The following PFKFB1 variants were observed in gnomAD, a reference collection of about 807,000 sequenced individuals.
The protein encoded by PFKFB1 is 6-phosphofructo-2-kinase/fructose-2,6-bisphosphatase 1.
A neutral mutation model predicts 46.4 loss-of-function variants in PFKFB1; 34 were observed. That is an observed-to-expected ratio of 0.73 (90% CI 0.56 to 0.98). The LOEUF is 0.98. PFKFB1 is among the 50% of genes least tolerant of loss of function. The pLI is 0.00. For missense variants in PFKFB1, 393 were observed against 376.3 expected (o/e 1.04, Z -0.37); for synonymous variants, 119 against 133.8 (o/e 0.89, Z 0.76).
At chrX:54,935,515 T>C (rs1467883653) in intron 11 of PFKFB1, among the ~76,000 whole-genome samples, 2 of 112,635 alleles carry the variant, frequency 1.8e-5, no homozygotes, top group East Asian at 5.6e-4. Flanking sequence ...CATTCACTTG[T>C]TTCCAGTTAT....
At chrX:54,969,637 C>T (rs2077603757) in intron 1 of PFKFB1, among the ~76,000 whole-genome samples, 1 of 111,992 alleles carries the variant, frequency 8.9e-6, no homozygotes, top group Non-Finnish European at 1.9e-5. Flanking sequence ...AAGGGAGCTT[C>T]CTTAACCAGA....
chrX:54,937,271 G>C (rs988691994), intron 11 of PFKFB1, among the ~76,000 whole-genome samples: 3 of 111,709 alleles, frequency 2.7e-5, no homozygotes, highest in Non-Finnish European at 5.6e-5. Context: ...CTTTGAAAAT[G>C]TTAGCTAAGA....
chrX:54,959,542 A>T (rs1779500799), intron 4 of PFKFB1, among the ~76,000 whole-genome samples: 2 of 111,847 alleles, frequency 1.8e-5, no homozygotes, highest in Non-Finnish European at 3.8e-5. Context: ...AGTGGTTAAG[A>T]GCGGGGATTC....
chrX:54,934,244 G>C (rs773839342), intron 12 of PFKFB1, among the ~76,000 whole-genome samples: 8 of 112,255 alleles, frequency 7.1e-5, no homozygotes, highest in African/African-American at 2.6e-4. Context: ...GTAGCTCTGC[G>C]GATCCTCCAA....
At position 54,952,163 on chromosome X, in the gene PFKFB1, A is replaced by G. The variant is rs748463335; in HGVS notation, c.639-51T>C. On this transcript the variant is annotated intron_variant, in intron 7 of 13. Coordinates refer to ENST00000375006, the MANE Select transcript of PFKFB1 (RefSeq NM_002625.4). ...GGGCAGCTCAGGGGCTAATGGTGGT[A>G]GGGTTGACCCCGAGAGAAACCCCGA... The G allele has an allele frequency of 2.9e-6, 3 of 1,018,318 alleles. No homozygotes were observed. In the African/African-American group the frequency reaches 5.6e-5, roughly 19 times the overall value. 83.9% of individuals were successfully genotyped at this position (1,018,318 alleles called of 1,213,427 possible).
At chrX:54,997,965 C>T (rs1044484616), upstream of PFKFB1, among the ~76,000 whole-genome samples, 2 of 112,394 alleles carry the variant, frequency 1.8e-5, no homozygotes, top group Non-Finnish European at 3.8e-5. Flanking sequence ...TCTTCTTGAT[C>T]GTGACAGCCC....
chrX:54,984,908 C>T (rs1401839748), intron 1 of PFKFB1, among the ~76,000 whole-genome samples: 1 of 110,565 alleles, frequency 9.0e-6, no homozygotes, highest in Admixed American at 9.6e-5. Flanking sequence ...CCTGATTACC[C>T]TCATTCCATC....
At chrX:54,998,303 A>C, upstream of PFKFB1, 2 of 643,058 alleles carry the variant, frequency 3.1e-6, no homozygotes, top group Non-Finnish European at 4.9e-6. Context: ...CCTTTAATGC[A>C]CACGACAACC....
chrX:54,957,723 A>G (rs768027747), intron 6 of PFKFB1, among the ~76,000 whole-genome samples: 2 of 111,635 alleles, frequency 1.8e-5, no homozygotes, highest in Non-Finnish European at 3.8e-5. Flanking sequence ...CATTTAGGTA[A>G]GATTTCAAGT....
chrX:54,982,069 C>T (rs981605399), intron 1 of PFKFB1, among the ~76,000 whole-genome samples: 1 of 111,286 alleles, frequency 9.0e-6, no homozygotes, highest in African/African-American at 3.3e-5. Context: ...TCTCACAAGT[C>T]AACCAAAAAT....
intron 2 of PFKFB1, among the ~76,000 whole-genome samples, chrX:54,961,980 G>C (rs983178927): frequency 9.0e-6 from 1 of 111,463 alleles, no homozygotes; most frequent in Non-Finnish European, 1.9e-5. Context: ...GATGCTGGAA[G>C]GGGCCAATTG....
upstream of PFKFB1, among the ~76,000 whole-genome samples, chrX:54,997,836 G>C (rs753212970): frequency 1.4e-3 from 152 of 112,199 alleles, 1 homozygote; most frequent in African/African-American, 4.7e-3. Context: ...TAGTCGCACA[G>C]CAGCTGGAGG....
intron 7 of PFKFB1, 142 bp from the exon 8 acceptor site, chrX:54,952,254 C>T: frequency 2.1e-6 from 1 of 486,623 alleles, no homozygotes; most frequent in South Asian, 3.0e-5. Flanking sequence ...ATGCCTTGCC[C>T]TGTACCGAGT....
intron 6 of PFKFB1, among the ~76,000 whole-genome samples, chrX:54,957,253 G>T (rs1487387701): frequency 9.0e-6 from 1 of 111,403 alleles, no homozygotes; most frequent in Non-Finnish European, 1.9e-5. Flanking sequence ...ATTCTTATGT[G>T]TTCTTCAAGG....
chrX:54,979,485 C>A (rs374875663), intron 1 of PFKFB1, among the ~76,000 whole-genome samples: 26 of 111,328 alleles, frequency 2.3e-4, no homozygotes, highest in East Asian at 1.4e-3. Flanking sequence ...AGAGTCCTTC[C>A]AAATACAAAA....
chrX:54,947,879 C>T (rs1422376339), intron 9 of PFKFB1, among the ~76,000 whole-genome samples: 1 of 110,339 alleles, frequency 9.1e-6, no homozygotes, highest in Non-Finnish European at 1.9e-5. Flanking sequence ...CCCTCTCCCT[C>T]ATCCCTTACA....
chrX:54,983,746 T>G (rs1935052432), intron 1 of PFKFB1, among the ~76,000 whole-genome samples: 1 of 112,241 alleles, frequency 8.9e-6, no homozygotes, highest in South Asian at 3.7e-4. Flanking sequence ...ATCACTACAC[T>G]GCTTTCCACA....
At chrX:54,983,347 T>G (rs1935040730) in intron 1 of PFKFB1, among the ~76,000 whole-genome samples, 1 of 111,047 alleles carries the variant, frequency 9.0e-6, no homozygotes, top group African/African-American at 3.3e-5. Context: ...CAGGTAGGTC[T>G]CAAATGTGTG....
chrX:54,963,562 C>A (rs1380905216), intron 1 of PFKFB1, among the ~76,000 whole-genome samples, 180 bp from the exon 2 acceptor site: 1 of 112,424 alleles, frequency 8.9e-6, no homozygotes, highest in Admixed American at 9.4e-5. Flanking sequence ...TGCAGTACCA[C>A]AAACCTGTAG....
Sources: gnomAD v4.1 joint callset for allele counts (sites outside exome capture counted in the v4.1 genomes callset) on GRCh38, gnomAD v4.1.1 for gene constraint, MANE v1.5 for transcripts, NCBI Gene and HGNC (gene_info 2026-07-23, HGNC 2026-07-21) for gene names.